Variants in AMBRA1 observed in about 807,000 individuals in gnomAD.
AMBRA1 encodes the protein autophagy and beclin 1 regulator 1, also known as activating molecule in BECN1-regulated autophagy protein 1.
A neutral mutation model predicts 125.4 loss-of-function variants in AMBRA1; 47 were observed. The ratio of observed to expected loss-of-function variants is 0.37; its 90% confidence interval spans 0.30 to 0.48. The LOEUF is 0.48. Ranked by LOEUF, AMBRA1 falls within the 20% of genes least tolerant of loss-of-function variation. AMBRA1 has a pLI of 0.99. For synonymous variants in AMBRA1, 626 were observed against 655.5 expected, an observed-to-expected ratio of 0.95 and a Z score of 0.69; for missense variants, 1,331 against 1,693.4, an observed-to-expected ratio of 0.79 and a Z score of 3.76.
intron 11 of AMBRA1, among the ~76,000 whole-genome samples, chr11:46,450,375 T>A (rs773384601): frequency 9.2e-5 from 14 of 151,562 alleles, no homozygotes; most frequent in Non-Finnish European, 1.8e-4. Context: ...GACAGAAAAA[T>A]GATGGGTAGT....
At chr11:46,583,174 C>T (rs566818685) in intron 1 of AMBRA1, among the ~76,000 whole-genome samples, 3 of 152,210 alleles carry the variant, frequency 2.0e-5, no homozygotes, top group Admixed American at 2.0e-4. Context: ...TGGAACAGAA[C>T]AGAGCCCTCA....
At chr11:46,436,925 G>A (rs1048729157) in intron 12 of AMBRA1, among the ~76,000 whole-genome samples, 2 of 152,184 alleles carry the variant, frequency 1.3e-5, no homozygotes, top group Non-Finnish European at 2.9e-5. Flanking sequence ...GAGACTCTAT[G>A]GGCTTTAAGA....
At chr11:46,534,727 GC>G (rs1952385826) in intron 7 of AMBRA1, among the ~76,000 whole-genome samples, 1 of 152,080 alleles carries the variant, frequency 6.6e-6, no homozygotes, top group Non-Finnish European at 1.5e-5. Context: ...AGGCTGCAGT[GC>G]AGAGGCGCAA....
intron 11 of AMBRA1, among the ~76,000 whole-genome samples, chr11:46,447,403 T>C (rs1948345556): frequency 6.6e-6 from 1 of 152,068 alleles, no homozygotes; most frequent in African/African-American, 2.4e-5. Context: ...GGCATAGTGG[T>C]GTGTGCCTGT....
At chr11:46,593,241 G>C (rs1419421248) in intron 1 of AMBRA1, among the ~76,000 whole-genome samples, 1 of 152,156 alleles carries the variant, frequency 6.6e-6, no homozygotes, top group Non-Finnish European at 1.5e-5. Context: ...GGTAAGTGGG[G>C]GGAAGGGAAT....
intron 1 of AMBRA1, among the ~76,000 whole-genome samples, chr11:46,576,899 T>C (rs2043977641): frequency 6.6e-6 from 1 of 152,224 alleles, no homozygotes; most frequent in Non-Finnish European, 1.5e-5. Context: ...ATGCAGATGC[T>C]GTGCTTCAAT....
chr11:46,442,960 G>T (rs1238387217), intron 12 of AMBRA1, among the ~76,000 whole-genome samples: 1 of 152,192 alleles, frequency 6.6e-6, no homozygotes, highest in Non-Finnish European at 1.5e-5. Context: ...GACCTCAAGT[G>T]ATCCGCCTGC....
chr11:46,532,793 TAAG>T (rs749610196), intron 7 of AMBRA1, among the ~76,000 whole-genome samples: 23 of 152,320 alleles, frequency 1.5e-4, no homozygotes, highest in Non-Finnish European at 2.2e-4. Context: ...AAACAGGAAA[TAAG>T]AAATACTTTA....
In AMBRA1 at chr11:46,453,934, G is replaced by A. The variant is rs529920120; in HGVS notation, c.2522-10336C>T. Among the ~76,000 whole-genome samples the A allele has an allele frequency of 3.7e-4, 56 of 152,262 alleles. 1 individual carries two copies. The highest frequency in any genetic ancestry group is 3.4e-3 in the Middle Eastern group (1 of 294). ...TCTAAATACAGACTTCAATGGTTACGTGTCTTATTTGTAGGAATTAGGCCC... is the reference window on the plus strand; with the variant it reads ...TCTAAATACAGACTTCAATGGTTACATGTCTTATTTGTAGGAATTAGGCCC... On this transcript the variant is annotated intron_variant, in intron 11 of 17. Transcript: ENST00000683756.
At chr11:46,532,210 A>T (rs914277553) in intron 7 of AMBRA1, among the ~76,000 whole-genome samples, 2 of 152,224 alleles carry the variant, frequency 1.3e-5, no homozygotes, top group African/African-American at 4.8e-5. Context: ...AATAAGACAC[A>T]GAAGACTAAG....
intron 1 of AMBRA1, among the ~76,000 whole-genome samples, chr11:46,586,384 G>C (rs1210314933): frequency 3.9e-5 from 6 of 152,072 alleles, no homozygotes; most frequent in Non-Finnish European, 8.8e-5. Flanking sequence ...ACCAGAGCAA[G>C]ACTGTCTCCA....
intron 6 of AMBRA1, 30 bp from the exon 7 acceptor site, chr11:46,543,428 G>T: frequency 6.2e-7 from 1 of 1,606,138 alleles, no homozygotes; most frequent in Admixed American, 1.8e-5. Context: ...GGGGCAGGGG[G>T]TAGAGCAAGG....
At chr11:46,516,635 G>A (rs1432385434) in intron 7 of AMBRA1, among the ~76,000 whole-genome samples, 1 of 151,824 alleles carries the variant, frequency 6.6e-6, no homozygotes, top group Non-Finnish European at 1.5e-5. Context: ...GGGTTTCACC[G>A]TGTTAGCCAG....
chr11:46,547,946 C>T, intron 2 of AMBRA1, 71 bp from the exon 3 acceptor site: 1 of 1,501,102 alleles, frequency 6.7e-7, no homozygotes, highest in Non-Finnish European at 9.0e-7. Context: ...ATCTCAAAAG[C>T]ACATTAACCA....
intron 11 of AMBRA1, among the ~76,000 whole-genome samples, chr11:46,459,045 T>C (rs1406640357): frequency 6.6e-6 from 1 of 152,170 alleles, no homozygotes; most frequent in Non-Finnish European, 1.5e-5. Context: ...TAAATAAATT[T>C]AAACATCCAT....
intron 7 of AMBRA1, among the ~76,000 whole-genome samples, chr11:46,538,083 A>G (rs1255662560): frequency 6.6e-6 from 1 of 152,232 alleles, no homozygotes; most frequent in African/African-American, 2.4e-5. Context: ...TTTAGAAGGC[A>G]GAGGAAGAGG....
At chr11:46,560,000 AAAG>A (rs1198749309) in intron 1 of AMBRA1, among the ~76,000 whole-genome samples, 1 of 152,246 alleles carries the variant, frequency 6.6e-6, no homozygotes, top group African/African-American at 2.4e-5. Flanking sequence ...AAGTTCACAC[AAAG>A]AAGTCTCGCA....
At chr11:46,473,347 T>C (rs932425599) in intron 11 of AMBRA1, among the ~76,000 whole-genome samples, 1 of 152,254 alleles carries the variant, frequency 6.6e-6, no homozygotes, top group African/African-American at 2.4e-5. Flanking sequence ...GAAGCCTGTG[T>C]ACATCTGGTT....
intron 11 of AMBRA1, among the ~76,000 whole-genome samples, chr11:46,452,446 T>C (rs1227544828): frequency 4.6e-5 from 7 of 152,120 alleles, no homozygotes; most frequent in Admixed American, 4.6e-4. Context: ...GACTTCCCAG[T>C]AACTAGGACA....
Sources: gnomAD v4.1 joint callset for allele counts (sites outside exome capture counted in the v4.1 genomes callset) on GRCh38, gnomAD v4.1.1 for gene constraint, MANE v1.5 for transcripts, NCBI Gene and HGNC (gene_info 2026-07-23, HGNC 2026-07-21) for gene names.